The following CTIF variants were observed in gnomAD, a reference collection of about 807,000 sequenced individuals.
CTIF encodes cap binding complex dependent translation initiation factor, also known as CBP80/20-dependent translation initiation factor.
Under a neutral mutation model 66.0 loss-of-function variants are expected in CTIF, and 21 were observed. The observed-to-expected ratio is 0.32, with a 90% CI of 0.23 to 0.46. The LOEUF (loss-of-function observed/expected upper bound fraction) is 0.46. CTIF is among the 20% of genes least tolerant of loss of function. The pLI is 1.00. For synonymous variants in CTIF, 345 were observed against 326.4 expected, an observed-to-expected ratio of 1.06 and a Z score of -0.62; for missense variants, 739 against 812.7, an observed-to-expected ratio of 0.91 and a Z score of 1.10.
intron 7 of CTIF, among the ~76,000 whole-genome samples, chr18:48,741,044 A>G (rs2092548480): frequency 6.6e-6 from 1 of 152,150 alleles, no homozygotes; most frequent in Non-Finnish European, 1.5e-5. Context: ...TACCCCATAG[A>G]ATTGTGGTGA....
chr18:48,646,163 A>G lies in CTIF; in HGVS notation c.252+9478A>G, dbSNP rs541339269. 8.5e-5 allele frequency among the ~76,000 whole-genome samples: 13 copies of G among 152,316 alleles called. No homozygotes were observed. In the South Asian group the frequency reaches 1.9e-3, roughly 22 times the overall value. On this transcript the variant is annotated intron_variant, in intron 3 of 11. Transcript: ENST00000256413. ...GAGGGAGAAAATATTTGCAAAACATATCTGACAAACGGCTCGTATTTAGAA... is the reference window on the plus strand; with the variant it reads ...GAGGGAGAAAATATTTGCAAAACATGTCTGACAAACGGCTCGTATTTAGAA...
chr18:48,774,304 G>A (rs1187744901), intron 9 of CTIF, among the ~76,000 whole-genome samples: 5 of 152,138 alleles, frequency 3.3e-5, no homozygotes, highest in Non-Finnish European at 7.4e-5. Context: ...GGGAGTCTGC[G>A]TCATGCTGGC....
chr18:48,611,592 C>A (rs979774201), intron 1 of CTIF, among the ~76,000 whole-genome samples: 4 of 152,160 alleles, frequency 2.6e-5, no homozygotes, highest in African/African-American at 9.6e-5. Flanking sequence ...GCAGCAGCAG[C>A]CTCACCTGGG....
chr18:48,624,146 A>ATGCTTGACACCACGCCCCTCCCCC (rs2090551556), intron 2 of CTIF, among the ~76,000 whole-genome samples: 4 of 29,414 alleles, frequency 1.4e-4, no homozygotes, highest in East Asian at 1.1e-3. Flanking sequence ...GCCCCTCCCC[A>ATGCTTGACACCACGCCCCTCCCCC]TGCTTGACAC....
intron 10 of CTIF, among the ~76,000 whole-genome samples, chr18:48,834,256 G>A (rs775019267): frequency 6.6e-6 from 1 of 152,220 alleles, no homozygotes; most frequent in Non-Finnish European, 1.5e-5. Flanking sequence ...AAAAGCAGCC[G>A]TAGACGATAT....
At chr18:48,745,544 A>G (rs1006532132) in intron 7 of CTIF, among the ~76,000 whole-genome samples, 5 of 152,168 alleles carry the variant, frequency 3.3e-5, no homozygotes, top group African/African-American at 4.8e-5. Context: ...TGATTTTCTA[A>G]TTCCATCATT....
At chr18:48,683,715 C>A (rs927601925) in intron 6 of CTIF, among the ~76,000 whole-genome samples, 5 of 152,168 alleles carry the variant, frequency 3.3e-5, no homozygotes, top group African/African-American at 7.2e-5. Flanking sequence ...GTTTTCATTA[C>A]TCCTGGGGAC....
Position 48,761,055 on chromosome 18 carries a change from C to T in CTIF, c.1072-335C>T, listed in dbSNP as rs759711681. 9.6e-6 allele frequency: 2 copies of T among 208,844 alleles called. No individual in the cohort carries two copies. The highest frequency in any genetic ancestry group is 1.9e-5 in the Non-Finnish European group (2 of 105,648). The allele number at this position is 208,844 out of a possible 1,614,324, so 12.9% of individuals were successfully genotyped here. A position where few individuals can be genotyped will look rare whatever the true frequency, so the allele number is the denominator to read the frequency against. On this transcript the variant is annotated intron_variant, in intron 8 of 11. Transcript: ENST00000256413. This position sits in a 1 kb window ranked among gnomAD's most constrained non-coding sequence, Gnocchi z 4.2. Reference sequence around the variant, plus strand: ...CGATTTCATATTTGTTATCTTATTTCCTCTTTCATAATTTCCATTAAATCT... The same window carrying T: ...CGATTTCATATTTGTTATCTTATTTTCTCTTTCATAATTTCCATTAAATCT...
intron 7 of CTIF, among the ~76,000 whole-genome samples, chr18:48,743,123 C>T (rs1436661940): frequency 6.6e-6 from 1 of 152,210 alleles, no homozygotes; most frequent in African/African-American, 2.4e-5. Flanking sequence ...TAATTCTGCA[C>T]ATATGCCTCA....
chr18:48,722,690 A>G lies in CTIF; in HGVS notation c.584+10995A>G, dbSNP rs376989845. 5.0e-4 allele frequency among the ~76,000 whole-genome samples: 72 copies of G among 144,394 alleles called. 1 individual carries two copies. The highest frequency in any genetic ancestry group is 2.6e-3 in the East Asian group (13 of 4,906). The allele number at this position is 144,394 out of a possible 152,430, so 94.7% of individuals were successfully genotyped here. ...TCAGCGCTCACAGGTGTAAGCACCCAGCCGTACCCATCAGCGCTCACAGGT... is the reference window on the plus strand; with the variant it reads ...TCAGCGCTCACAGGTGTAAGCACCCGGCCGTACCCATCAGCGCTCACAGGT... On this transcript the variant is annotated intron_variant, in intron 7 of 11. Coordinates refer to ENST00000256413, the MANE Select transcript of CTIF (RefSeq NM_014772.3).
chr18:48,829,207 T>C (rs2068642089), intron 10 of CTIF, among the ~76,000 whole-genome samples: 1 of 152,240 alleles, frequency 6.6e-6, no homozygotes, highest in Admixed American at 6.5e-5. Flanking sequence ...TCTAGATTTT[T>C]AAATCCTTTG....
chr18:48,567,901 G>T (rs1179668634), intron 1 of CTIF: 1 of 152,280 alleles, frequency 6.6e-6, no homozygotes, highest in Admixed American at 6.5e-5. Context: ...CAGCGAGGTG[G>T]AGCGAGCTGG....
intron 10 of CTIF, among the ~76,000 whole-genome samples, chr18:48,849,640 C>A (rs2069156636): frequency 7.5e-6 from 1 of 133,996 alleles, no homozygotes; most frequent in Non-Finnish European, 1.5e-5. Flanking sequence ...GGCTGGAATG[C>A]AGTGGCACGA....
At chr18:48,796,623 GGCCATCCGAACCTCT>G in intron 9 of CTIF, among the ~76,000 whole-genome samples, 1 of 152,238 alleles carries the variant, frequency 6.6e-6, no homozygotes, top group South Asian at 2.1e-4. Flanking sequence ...ACAAGGAAGT[GGCCATCCGAACCTCT>G]GCCATCCCAT....
At chr18:48,642,897 C>A (rs2144685420) in intron 3 of CTIF, among the ~76,000 whole-genome samples, 1 of 152,302 alleles carries the variant, frequency 6.6e-6, no homozygotes, top group Non-Finnish European at 1.5e-5. Context: ...AGTGCTCCAG[C>A]CTAGATACAA....
intron 9 of CTIF, among the ~76,000 whole-genome samples, chr18:48,813,826 C>T (rs1185784617): frequency 6.6e-6 from 1 of 152,248 alleles, no homozygotes; most frequent in Non-Finnish European, 1.5e-5. Flanking sequence ...AGCACCATCC[C>T]TTAAAGGACA....
chr18:48,670,165 G>A (rs79804959), intron 5 of CTIF, among the ~76,000 whole-genome samples: 1,671 of 152,078 alleles, frequency 0.011, 13 homozygotes, highest in Middle Eastern at 0.038. Flanking sequence ...TCTCTGGCCC[G>A]AGGGCACGCC....
intron 7 of CTIF, among the ~76,000 whole-genome samples, chr18:48,745,759 G>T (rs897857179): frequency 6.6e-6 from 1 of 152,208 alleles, no homozygotes; most frequent in Non-Finnish European, 1.5e-5. Flanking sequence ...ATTTTGGAAG[G>T]TTCTAGACAA....
chr18:48,715,876 A>T (rs763057784), intron 7 of CTIF, among the ~76,000 whole-genome samples: 1 of 152,094 alleles, frequency 6.6e-6, no homozygotes, highest in Non-Finnish European at 1.5e-5. Flanking sequence ...CCTGTAGGGG[A>T]GGTTCTGAAG....
Sources: allele counts gnomAD v4.1 joint callset (sites outside exome capture counted in the v4.1 genomes callset), GRCh38; gene constraint gnomAD v4.1.1; non-coding constraint Gnocchi (gnomAD v3.1); transcripts MANE v1.5; gene names NCBI Gene and HGNC (gene_info 2026-07-23, HGNC 2026-07-21).